ZNF737: variants seen among roughly 807,000 people sequenced by gnomAD.
ZNF737 encodes the protein zinc finger protein 737, also known as zinc finger protein 102 (Y3).
Under a neutral mutation model 11.7 loss-of-function variants are expected in ZNF737, and 13 were observed. The ratio of observed to expected loss-of-function variants is 1.11; its 90% CI spans 0.73 to 1.77. The LOEUF is 1.77. Ranked by LOEUF, ZNF737 falls within the 40% of genes most tolerant of loss-of-function variation. ZNF737 has a pLI of 0.00. For synonymous variants in ZNF737, 217 were observed against 216.2 expected (o/e 1.00, Z -0.03); for missense variants, 636 against 638.0 (o/e 1.00, Z 0.03).
chr19:20,556,629 C>T (rs782392417), intron 1 of ZNF737, among the ~76,000 whole-genome samples: 1 of 152,228 alleles, frequency 6.6e-6, no homozygotes, highest in Admixed American at 6.5e-5. Context: ...AGTCACAGCA[C>T]ATAGTCCCTT....
Position 20,539,811 on chromosome 19 carries a change from T to C in ZNF737, c.*4781A>G. The stretch of plus-strand genomic sequence containing the variant: ...ATTTCTGTAATAAATAGTGTAAACC[T>C]GTGTCACCAGAATGGTGCAGACATG... On this transcript the variant is annotated 3_prime_UTR_variant, in exon 4 of 4. Transcript: ENST00000427401. 1.0e-6 allele frequency: 1 copy of C among 985,468 alleles called. No homozygotes were observed. Among genetic ancestry groups the C allele is most frequent in the East Asian group, 1.1e-4 (1 of 8,820 alleles). The allele number at this position is 985,468 out of a possible 1,614,324, so 61.0% of individuals were successfully genotyped here. A position where few individuals can be genotyped will look rare whatever the true frequency, so the allele number is the denominator to read the frequency against.
chr19:20,542,531 C>T lies in ZNF737; in HGVS notation c.*2061G>A. On this transcript the variant is annotated 3_prime_UTR_variant, in exon 4 of 4. Coordinates refer to ENST00000427401, the MANE Select transcript of ZNF737 (RefSeq NM_001159293.2). ...ACAGGCATGAGCCATCAAGCCCGGC[C>T]CTAACAGTTTTAAAATGCACTGCAT... is the stretch of plus-strand genomic sequence containing the variant. The T allele has an allele frequency of 1.0e-6, 1 of 981,100 alleles. No homozygotes were observed. Among genetic ancestry groups the T allele is most frequent in the Non-Finnish European group, 1.2e-6 (1 of 826,588 alleles). 60.8% of individuals were successfully genotyped at this position (981,100 alleles called of 1,614,324 possible).
intron 3 of ZNF737, among the ~76,000 whole-genome samples, chr19:20,549,118 A>G (rs1555757734): frequency 6.6e-6 from 1 of 152,134 alleles, no homozygotes; most frequent in Admixed American, 6.6e-5. Flanking sequence ...TAAAACTACC[A>G]TCAAAAATCA....
rs78342356 is a variant in ZNF737 at position 20,540,761 on chromosome 19, A to G, written c.*3831T>C. 11 of 573,746 alleles carry G rather than the reference A, an allele frequency of 1.9e-5. No homozygotes were observed. The highest frequency in any genetic ancestry group is 2.2e-5 in the Non-Finnish European group (10 of 456,942). The allele number at this position is 573,746 out of a possible 1,614,324, so 35.5% of individuals were successfully genotyped here. A position where few individuals can be genotyped will look rare whatever the true frequency, so the allele number is the denominator to read the frequency against. The stretch of plus-strand genomic sequence containing the variant: ...AAGACAGAGCAACACTCCATCATGG[A>G]AAAAAAAAAAGAGTCTTTCTGCTGC... On this transcript the variant is annotated 3_prime_UTR_variant, in exon 4 of 4. Transcript: ENST00000427401.
At chr19:20,555,099 G>T (rs1285275342) in intron 1 of ZNF737, among the ~76,000 whole-genome samples, 3 of 152,066 alleles carry the variant, frequency 2.0e-5, no homozygotes, top group Admixed American at 2.0e-4. Context: ...CTGACCTCAG[G>T]TGATCTGCCC....
intron 1 of ZNF737, among the ~76,000 whole-genome samples, chr19:20,560,172 C>CAAA (rs71172600): frequency 1.3e-4 from 9 of 70,730 alleles, no homozygotes; most frequent in Non-Finnish European, 1.7e-4. Flanking sequence ...GACTCCGTCT[C>CAAA]AAAAAAAAAA....
chr19:20,553,013 G>GAA (rs34125607), intron 2 of ZNF737, among the ~76,000 whole-genome samples: 1 of 134,124 alleles, frequency 7.5e-6, no homozygotes. Flanking sequence ...CTCTGTCCCC[G>GAA]AAAAAAAAAA....
chr19:20,563,567 C>T (rs2336358), intron 1 of ZNF737, among the ~76,000 whole-genome samples: 1 of 149,636 alleles, frequency 6.7e-6, no homozygotes, highest in Non-Finnish European at 1.5e-5. Flanking sequence ...CTCACTGCAA[C>T]CTCTGCCTCC....
At position 20,538,291 on chromosome 19, in the gene ZNF737, A is replaced by C. The variant is rs1555754329; in HGVS notation, c.*6301T>G. 6.6e-6 allele frequency among the ~76,000 whole-genome samples: 1 copy of C among 152,234 alleles called. No homozygotes were observed. The highest frequency in any genetic ancestry group is 2.4e-5 in the African/African-American group (1 of 41,470). On this transcript the variant is annotated 3_prime_UTR_variant, in exon 4 of 4. Transcript: ENST00000427401. ...CTGGCATGCTTATACTAATCCAAGC[A>C]AGCATTAGGTCATAGCCTGTTCCTC... is the stretch of plus-strand genomic sequence containing the variant.
At chr19:20,535,273 A>G (rs1555753604), downstream of ZNF737, among the ~76,000 whole-genome samples, 2 of 152,072 alleles carry the variant, frequency 1.3e-5, no homozygotes. Context: ...ATGAGACTCC[A>G]TCTCAAACAA....
At chr19:20,530,723 A>C in the ZNF737 span, among the ~76,000 whole-genome samples, 2 of 147,360 alleles carry the variant, frequency 1.4e-5, no homozygotes, top group Admixed American at 1.3e-4. Context: ...GGCCGGGCAG[A>C]GACCCTCCTC....
chr19:20,560,144 G>T (rs1193821974), intron 1 of ZNF737, among the ~76,000 whole-genome samples: 4 of 140,612 alleles, frequency 2.8e-5, no homozygotes, highest in Non-Finnish European at 6.1e-5. Flanking sequence ...CCGCAGTCCG[G>T]CCTGGGCGAC....
In ZNF737 at chr19:20,539,572, C is replaced by CT; in HGVS notation, c.*5019dup. 1.0e-6 allele frequency: 1 copy of CT among 981,608 alleles called. No homozygotes were observed. Among genetic ancestry groups the CT allele is most frequent in the Admixed American group, 6.1e-5 (1 of 16,276 alleles). 60.8% of individuals were successfully genotyped at this position (981,608 alleles called of 1,614,324 possible). A position where few individuals can be genotyped will look rare whatever the true frequency, so the allele number is the denominator to read the frequency against. ...CTTGGTCATGTGAATCTAAAAGAAA[C>CT]TATCTACATAACTAATCATGGATTC... On this transcript the variant is annotated 3_prime_UTR_variant, in exon 4 of 4. Transcript: ENST00000427401.
chr19:20,548,153 A>C (rs1259955614), intron 3 of ZNF737, among the ~76,000 whole-genome samples: 2 of 152,096 alleles, frequency 1.3e-5, no homozygotes, highest in African/African-American at 4.8e-5. Context: ...AAAAAAAAGG[A>C]AAACAACAGC....
chr19:20,560,477 A>G (rs541572034), intron 1 of ZNF737, among the ~76,000 whole-genome samples: 276 of 152,186 alleles, frequency 1.8e-3, no homozygotes, highest in Middle Eastern at 3.4e-3. Flanking sequence ...GGAGACCATC[A>G]TTCTTAGAAA....
chr19:20,541,628 G>A lies in ZNF737; in HGVS notation c.*2964C>T, dbSNP rs996455719. Among the ~76,000 whole-genome samples, 2 of 152,064 alleles carry A rather than the reference G, an allele frequency of 1.3e-5. No homozygotes were observed. The highest frequency in any genetic ancestry group is 4.8e-5 in the African/African-American group (2 of 41,408). On this transcript the variant is annotated 3_prime_UTR_variant, in exon 4 of 4. Transcript: ENST00000427401. The stretch of plus-strand genomic sequence containing the variant: ...TTTAGTAGAGACAAGGTTTCACCAC[G>A]TTGGCCAGGCTGGCCTTGAACTCCT...
downstream of ZNF737, among the ~76,000 whole-genome samples, chr19:20,537,817 A>G (rs1402807047): frequency 6.6e-6 from 1 of 151,642 alleles, no homozygotes; most frequent in Admixed American, 6.6e-5. Context: ...ACCCAGCCCT[A>G]TTTTTTTTCT....
Position 20,544,914 on chromosome 19 carries a change from C to A in ZNF737, c.1289G>T (p.Cys430Phe). The A allele has an allele frequency of 6.2e-7, 1 of 1,613,084 alleles. No individual in the cohort carries two copies. The highest frequency in any genetic ancestry group is 8.5e-7 in the Non-Finnish European group (1 of 1,179,552). ...AGAGAAGCACTTAAAGGCCTTGCCA[C>A]ATTCTTCACACTTGAAGGGTTGCTG... ...TGQQPFKCEE[C>F]GKAFKCFSIL... Residue 430 changes from cysteine (C) to phenylalanine (F), a missense_variant, in exon 4 of 4, where the codon TGT (cysteine) becomes TTT (phenylalanine). Physicochemically the swap from Cys to Phe is radical, Grantham distance 205. Coordinates refer to ENST00000427401, the MANE Select transcript of ZNF737 (RefSeq NM_001159293.2).
downstream of ZNF737, among the ~76,000 whole-genome samples, chr19:20,534,136 A>C (rs1415104766): frequency 6.7e-6 from 1 of 150,168 alleles, no homozygotes; most frequent in Non-Finnish European, 1.5e-5. Flanking sequence ...AGCTGAGTTA[A>C]TTGATTCAGA....
Sources: gnomAD v4.1 joint callset for allele counts (sites outside exome capture counted in the v4.1 genomes callset) on GRCh38, gnomAD v4.1.1 for gene constraint, MANE v1.5 for transcripts, NCBI Gene and HGNC (gene_info 2026-07-23, HGNC 2026-07-21) for gene names.